SAMD12: variants seen among roughly 807,000 people sequenced by gnomAD.
SAMD12 encodes sterile alpha motif domain-containing protein 12.
A neutral mutation model predicts 15.0 loss-of-function variants in SAMD12; 9 were observed. The observed-to-expected ratio is 0.60, with a 90% CI of 0.36 to 1.05. The LOEUF (loss-of-function observed/expected upper bound fraction) is 1.05. SAMD12 is among the 50% of genes least tolerant of loss of function. The pLI is 0.01. For missense variants in SAMD12, 230 were observed against 234.2 expected (o/e 0.98, Z 0.12); for synonymous variants, 86 against 90.1 (o/e 0.96, Z 0.25).
At chr8:118,594,522 T>G (rs1318141703) in intron 1 of SAMD12, among the ~76,000 whole-genome samples, 1 of 152,078 alleles carries the variant, frequency 6.6e-6, no homozygotes, top group Non-Finnish European at 1.5e-5. Context: ...ATAGTTACGT[T>G]GTAGATGATA....
At chr8:118,467,814 T>C (rs1168382631) in intron 2 of SAMD12, among the ~76,000 whole-genome samples, 1 of 152,182 alleles carries the variant, frequency 6.6e-6, no homozygotes, top group Non-Finnish European at 1.5e-5. Flanking sequence ...AATCAATTTG[T>C]GACTTAGGGT....
chr8:118,540,384 T>C (rs1001611213), intron 2 of SAMD12, among the ~76,000 whole-genome samples: 1 of 152,214 alleles, frequency 6.6e-6, no homozygotes, highest in African/African-American at 2.4e-5. Flanking sequence ...CCTGAGCAGA[T>C]TCAAGGTCAT....
chr8:118,509,995 T>A (rs1825029786), intron 2 of SAMD12, among the ~76,000 whole-genome samples: 1 of 152,182 alleles, frequency 6.6e-6, no homozygotes, highest in Admixed American at 6.5e-5. Flanking sequence ...TATTTAAAGA[T>A]GATAATATTG....
chr8:118,563,361 C>G (rs937006958), intron 2 of SAMD12, among the ~76,000 whole-genome samples: 1 of 152,152 alleles, frequency 6.6e-6, no homozygotes, highest in Non-Finnish European at 1.5e-5. Context: ...TCAGAGATGC[C>G]AGTCCCCTTC....
intron 2 of SAMD12, among the ~76,000 whole-genome samples, chr8:118,549,013 G>C (rs866987673): frequency 2.0e-5 from 3 of 152,252 alleles, no homozygotes; most frequent in African/African-American, 4.8e-5. Flanking sequence ...TTAGGTAAAC[G>C]AAGCAGCCAG....
In SAMD12 at chr8:118,603,671, G is replaced by A. The variant is rs143202650; in HGVS notation, c.13+18133C>T. Among the ~76,000 whole-genome samples the A allele has an allele frequency of 2.4e-3, 364 of 152,258 alleles. 4 individuals are homozygous for A. Among genetic ancestry groups the A allele is most frequent in the Middle Eastern group, 0.02 (6 of 294 alleles). On this transcript the variant is annotated intron_variant, in intron 1 of 3. Coordinates refer to ENST00000314727, the MANE Select transcript of SAMD12 (RefSeq NM_207506.3). ...CAAAGAACACTCAGGATCCTAGAGCGAAACTAACACAAAGGCAAGAAAGGC... is the reference window on the plus strand; with the variant it reads ...CAAAGAACACTCAGGATCCTAGAGCAAAACTAACACAAAGGCAAGAAAGGC...
intron 3 of SAMD12, among the ~76,000 whole-genome samples, chr8:118,384,501 A>G (rs1819839969): frequency 6.6e-6 from 1 of 152,150 alleles, no homozygotes; most frequent in Admixed American, 6.5e-5. Flanking sequence ...AACTCTGGCT[A>G]TATTTTTAAT....
chr8:118,440,022 TA>T, intron 2 of SAMD12, 61 bp from the exon 3 acceptor site: 1 of 1,557,624 alleles, frequency 6.4e-7, no homozygotes, highest in Non-Finnish European at 8.8e-7. Flanking sequence ...ACACTATAGT[TA>T]AAAGTCTTAG....
chr8:118,438,780 C>T (rs7837320), intron 3 of SAMD12, among the ~76,000 whole-genome samples: 2,767 of 152,136 alleles, frequency 0.018, 89 homozygotes, highest in African/African-American at 0.064. Context: ...GGTTTGTCAT[C>T]GAGAATGCTG....
At chr8:118,157,538 C>A in the SAMD12 span, among the ~76,000 whole-genome samples, 1 of 152,128 alleles carries the variant, frequency 6.6e-6, no homozygotes, top group Non-Finnish European at 1.5e-5. Context: ...TTATTTTAAA[C>A]TTCTCTAAAT....
chr8:118,312,427 C>T (rs12156385), intron 4 of SAMD12, among the ~76,000 whole-genome samples: 72,860 of 152,086 alleles, frequency 0.48, 20,046 homozygotes, highest in African/African-American at 0.77. Context: ...CTTCACATCC[C>T]TCCAGACCCA....
chr8:118,580,277 T>C lies in SAMD12; in HGVS notation c.192+438A>G, dbSNP rs535421718. Among the ~76,000 whole-genome samples the C allele has an allele frequency of 3.3e-5, 5 of 152,302 alleles. No homozygotes were observed. The South Asian group carries it at 1.0e-3, about 32-fold the overall frequency. On this transcript the variant is annotated intron_variant, in intron 2 of 3. Coordinates refer to ENST00000314727, the MANE Select transcript of SAMD12 (RefSeq NM_207506.3). ...GCACAAGCCTCTCATACTCATGCAG[T>C]ACTGGGGCTTTTATAAAATGCTTCC...
intron 1 of SAMD12, among the ~76,000 whole-genome samples, chr8:118,582,100 G>C (rs1028763620): frequency 1.3e-5 from 2 of 152,010 alleles, no homozygotes; most frequent in East Asian, 1.9e-4. Context: ...GAGTACTTTA[G>C]ACCTGAGGGA....
In SAMD12 at chr8:118,378,512, G is replaced by A; in HGVS notation, c.*905C>T. 1 of 984,152 alleles carries A rather than the reference G, an allele frequency of 1.0e-6. No homozygotes were observed. The allele number at this position is 984,152 out of a possible 1,614,324, so 61.0% of individuals were successfully genotyped here. A position where few individuals can be genotyped will look rare whatever the true frequency, so the allele number is the denominator to read the frequency against. On this transcript the variant is annotated 3_prime_UTR_variant, in exon 4 of 4. Transcript: ENST00000314727. The stretch of plus-strand genomic sequence containing the variant: ...AATCTATATTTATCCTTCTAGAATA[G>A]TCATCTTTCAGGGAGCACATTATTT...
chr8:118,328,496 G>A (rs116332904), intron 4 of SAMD12, among the ~76,000 whole-genome samples: 2,433 of 152,204 alleles, frequency 0.016, 31 homozygotes, highest in South Asian at 0.039. Context: ...AATTATTTGT[G>A]CAATTCTTTC....
rs140724199 is a variant in SAMD12 at position 118,474,132 on chromosome 8, T to C, written c.193-34171A>G. ...CACCACCCCATGCTCAGCTAATTTT[T>C]GTATTTTTAGTAAAGACAAGGTTTC... On this transcript the variant is annotated intron_variant, in intron 2 of 3. Transcript: ENST00000314727. Among the ~76,000 whole-genome samples the C allele has an allele frequency of 2.6e-5, 4 of 152,106 alleles. No homozygotes were observed. In the East Asian group the frequency reaches 7.8e-4, roughly 30 times the overall value.
chr8:118,485,761 A>G (rs371070433), intron 2 of SAMD12, among the ~76,000 whole-genome samples: 1 of 152,350 alleles, frequency 6.6e-6, no homozygotes, highest in African/African-American at 2.4e-5. Context: ...AGGGAATTAA[A>G]AAAAGCTAAC....
rs80077729 is a variant in SAMD12, at chr8:118,605,278, T to G, written c.13+16526A>C. On this transcript the variant is annotated intron_variant, in intron 1 of 3. Transcript: ENST00000314727. Reference sequence around the variant, plus strand: ...ATCACTGGCCTCATTAAGGGCTGTTTCTAAGGAAAATGAGATTACTTACTG... The same window carrying G: ...ATCACTGGCCTCATTAAGGGCTGTTGCTAAGGAAAATGAGATTACTTACTG... Among the ~76,000 whole-genome samples the G allele has an allele frequency of 9.6e-3, 1,469 of 152,326 alleles. 25 individuals are homozygous for G. The highest frequency in any genetic ancestry group is 0.034 in the African/African-American group (1,396 of 41,560).
At chr8:118,349,497 C>A (rs756808430) in intron 4 of SAMD12, among the ~76,000 whole-genome samples, 1 of 152,162 alleles carries the variant, frequency 6.6e-6, no homozygotes, top group African/African-American at 2.4e-5. Flanking sequence ...TTTGTCATGT[C>A]CATAACTATT....
Sources: gnomAD v4.1 joint callset for allele counts (sites outside exome capture counted in the v4.1 genomes callset) on GRCh38, gnomAD v4.1.1 for gene constraint, MANE v1.5 for transcripts, NCBI Gene and HGNC (gene_info 2026-07-23, HGNC 2026-07-21) for gene names.